DDX10: variants seen among roughly 807,000 people sequenced by gnomAD.
The protein encoded by DDX10 is probable ATP-dependent RNA helicase DDX10.
In DDX10, 74 loss-of-function variants were observed where a neutral mutation model predicts 104.3. The observed-to-expected ratio is 0.71, with a 90% CI of 0.59 to 0.86. The LOEUF is 0.86. Ranked by LOEUF, DDX10 falls within the 40% of genes least tolerant of loss-of-function variation. The pLI is 0.00. For missense variants in DDX10, 952 were observed against 1,040.0 expected (o/e 0.92, Z 1.16); for synonymous variants, 351 against 353.4 (o/e 0.99, Z 0.08).
At chr11:108,665,364 C>T (rs765674894) in intron 1 of DDX10, 25 bp downstream of exon 1, 1 of 1,536,788 alleles carries the variant, frequency 6.5e-7, no homozygotes, top group Non-Finnish European at 8.8e-7. Flanking sequence ...GGGGAGGGGG[C>T]TCGGGCCGGC....
chr11:108,753,005 C>T (rs557717446), intron 13 of DDX10, among the ~76,000 whole-genome samples: 51 of 152,102 alleles, frequency 3.4e-4, no homozygotes, highest in African/African-American at 1.1e-3. Flanking sequence ...TTCTGCTAGC[C>T]AAGCTATAAT....
intron 17 of DDX10, 43 bp downstream of exon 17, chr11:108,918,061 C>T (rs1863775792): frequency 6.4e-7 from 1 of 1,572,486 alleles, no homozygotes; most frequent in Middle Eastern, 1.7e-4. Flanking sequence ...TTAGTACTCT[C>T]ACATCAGTCT....
chr11:108,745,226 C>T lies in DDX10; in HGVS notation c.1965+21764C>T, dbSNP rs189617557. 1.2e-4 allele frequency among the ~76,000 whole-genome samples: 17 copies of T among 140,510 alleles called. No individual in the cohort carries two copies. In the East Asian group the frequency reaches 3.7e-3, roughly 30 times the overall value. The allele number at this position is 140,510 out of a possible 152,430, so 92.2% of individuals were successfully genotyped here. A position where few individuals can be genotyped will look rare whatever the true frequency, so the allele number is the denominator to read the frequency against. On this transcript the variant is annotated intron_variant, in intron 13 of 17. Transcript: ENST00000322536. ...TCGTTTCCTTCCTTCCTTTCCTTTC[C>T]TTCCCTTTCTCTTTCCCTTCCTTCT...
At chr11:108,773,188 T>A (rs1353689177) in intron 13 of DDX10, among the ~76,000 whole-genome samples, 1 of 152,244 alleles carries the variant, frequency 6.6e-6, no homozygotes, top group Non-Finnish European at 1.5e-5. Context: ...CTTATTGTTA[T>A]GAACTTACGA....
chr11:108,834,567 G>A (rs1406516291), intron 13 of DDX10, among the ~76,000 whole-genome samples: 1 of 151,918 alleles, frequency 6.6e-6, no homozygotes, highest in Admixed American at 6.6e-5. Flanking sequence ...TTCTTTCCTA[G>A]TACTTTTTGT....
At chr11:108,759,387 G>A (rs1252969703) in intron 13 of DDX10, among the ~76,000 whole-genome samples, 1 of 151,878 alleles carries the variant, frequency 6.6e-6, no homozygotes, top group Non-Finnish European at 1.5e-5. Context: ...TACTCCACTG[G>A]TTTGTGTGAC....
chr11:108,711,681 AT>A (rs2094284600), intron 10 of DDX10, among the ~76,000 whole-genome samples: 1 of 152,156 alleles, frequency 6.6e-6, no homozygotes, highest in South Asian at 2.1e-4. Context: ...CAGATATTGT[AT>A]GATTTATATT....
At chr11:108,861,921 G>A (rs1463322264) in intron 16 of DDX10, among the ~76,000 whole-genome samples, 1 of 152,100 alleles carries the variant, frequency 6.6e-6, no homozygotes, top group Admixed American at 6.6e-5. Context: ...AGCTACTTGG[G>A]AAGGCTGAGG....
intron 15 of DDX10, among the ~76,000 whole-genome samples, chr11:108,850,779 G>A (rs1862780606): frequency 6.6e-6 from 1 of 152,136 alleles, no homozygotes; most frequent in African/African-American, 2.4e-5. Flanking sequence ...GTAGTGGTGT[G>A]CTAGATTTGA....
At chr11:108,767,503 A>T (rs1232551092) in intron 13 of DDX10, 1 of 152,202 alleles carries the variant, frequency 6.6e-6, no homozygotes, top group African/African-American at 2.4e-5. Context: ...TACAGTGGGG[A>T]TAAAGGCTGT....
Position 108,795,889 on chromosome 11 carries a change from C to G in DDX10, c.1966-42557C>G, listed in dbSNP as rs895951839. Reference sequence around the variant, plus strand: ...GGGATGGCTGGGTCAAATGGTAATTCTAGTTCTAGATCCTTGAGGAATCTC... The same window carrying G: ...GGGATGGCTGGGTCAAATGGTAATTGTAGTTCTAGATCCTTGAGGAATCTC... On this transcript the variant is annotated intron_variant, in intron 13 of 17. Coordinates refer to ENST00000322536, the MANE Select transcript of DDX10 (RefSeq NM_004398.4). Among the ~76,000 whole-genome samples, 3 of 152,160 alleles carry G rather than the reference C, an allele frequency of 2.0e-5. No homozygotes were observed. The East Asian group carries it at 5.8e-4, about 29-fold the overall frequency.
At chr11:108,753,574 A>C (rs904266900) in intron 13 of DDX10, among the ~76,000 whole-genome samples, 6 of 152,024 alleles carry the variant, frequency 3.9e-5, no homozygotes, top group African/African-American at 1.4e-4. Flanking sequence ...ATATATCATG[A>C]ATGGAAAAGA....
chr11:108,826,801 GCT>G, intron 13 of DDX10, among the ~76,000 whole-genome samples: 1 of 152,264 alleles, frequency 6.6e-6, no homozygotes, highest in South Asian at 2.1e-4. Flanking sequence ...GAACACTGAA[GCT>G]CTAATTCATT....
intron 13 of DDX10, among the ~76,000 whole-genome samples, chr11:108,762,842 C>T (rs1295115054): frequency 1.3e-5 from 2 of 152,130 alleles, no homozygotes; most frequent in African/African-American, 4.8e-5. Flanking sequence ...ATACTCCTTT[C>T]CTTCTTTCCT....
intron 13 of DDX10, 91 bp downstream of exon 13, chr11:108,723,553 A>G: frequency 1.5e-6 from 2 of 1,321,846 alleles, no homozygotes; most frequent in South Asian, 1.6e-5. Flanking sequence ...AGTGAAAACT[A>G]AGAAACTTAG....
At chr11:108,836,649 G>A (rs190776631) in intron 13 of DDX10, among the ~76,000 whole-genome samples, 1 of 152,186 alleles carries the variant, frequency 6.6e-6, no homozygotes, top group East Asian at 1.9e-4. Flanking sequence ...ACTATGCCCA[G>A]CTAATTTTTT....
intron 13 of DDX10, among the ~76,000 whole-genome samples, chr11:108,734,620 CCTT>C (rs1407740776): frequency 6.6e-6 from 1 of 151,602 alleles, no homozygotes; most frequent in South Asian, 2.1e-4. Context: ...TCCTTTATCT[CCTT>C]CTTTTATACA....
chr11:108,693,621 CTT>C (rs778008421), intron 9 of DDX10, 21 bp downstream of exon 9: 111 of 1,557,732 alleles, frequency 7.1e-5, no homozygotes, highest in Admixed American at 3.3e-5. Flanking sequence ...TGACTAATTT[CTT>C]TTCTTTTGCT....
At chr11:108,868,528 T>C (rs922262305) in intron 16 of DDX10, among the ~76,000 whole-genome samples, 2 of 152,140 alleles carry the variant, frequency 1.3e-5, no homozygotes, top group African/African-American at 4.8e-5. Context: ...TTTCATTCTA[T>C]TTTCTTTTTA....
Sources: gnomAD v4.1 joint callset for allele counts (sites outside exome capture counted in the v4.1 genomes callset) on GRCh38, gnomAD v4.1.1 for gene constraint, MANE v1.5 for transcripts, NCBI Gene and HGNC (gene_info 2026-07-23, HGNC 2026-07-21) for gene names.